The following SLC24A2 variants were observed in gnomAD, a reference collection of about 807,000 sequenced individuals.
The protein encoded by SLC24A2 is sodium/potassium/calcium exchanger 2.
A neutral mutation model predicts 62.0 loss-of-function variants in SLC24A2; 36 were observed. The ratio of observed to expected loss-of-function variants is 0.58; its 90% CI spans 0.44 to 0.77. SLC24A2 has a LOEUF of 0.77. Among genes scored for constraint, SLC24A2 ranks in the 30% least tolerant of loss-of-function variants. The pLI is 0.00. For synonymous variants in SLC24A2, 358 were observed against 294.0 expected (o/e 1.22, Z -2.23); for missense variants, 846 against 817.9 (o/e 1.03, Z -0.42).
At chr9:19,854,871 T>C in the SLC24A2 span, among the ~76,000 whole-genome samples, 1 of 152,204 alleles carries the variant, frequency 6.6e-6, no homozygotes, top group African/African-American at 2.4e-5. Flanking sequence ...TAATGATCTG[T>C]CTAATATTGA....
chr9:19,929,978 C>T, the SLC24A2 span: 1 of 152,004 alleles, frequency 6.6e-6, no homozygotes, highest in East Asian at 1.9e-4. Context: ...TATAGCTATA[C>T]AATATATTTG....
the SLC24A2 span, among the ~76,000 whole-genome samples, chr9:20,259,230 C>G: frequency 2.0e-5 from 3 of 152,112 alleles, no homozygotes; most frequent in African/African-American, 7.2e-5. Context: ...CCCAGTGAGA[C>G]CCATTTTAGA....
intron 8 of SLC24A2, among the ~76,000 whole-genome samples, chr9:19,534,433 G>C (rs1205291489): frequency 6.6e-6 from 1 of 151,982 alleles, no homozygotes; most frequent in African/African-American, 2.4e-5. Flanking sequence ...AGGTATACAT[G>C]TGCCATGGTG....
the SLC24A2 span, among the ~76,000 whole-genome samples, chr9:19,872,763 G>A: frequency 6.6e-6 from 1 of 152,276 alleles, no homozygotes; most frequent in African/African-American, 2.4e-5. Context: ...AAGTGGAAGG[G>A]ATGATTGACA....
At chr9:19,772,670 A>G (rs564965050) in intron 2 of SLC24A2, among the ~76,000 whole-genome samples, 1 of 152,290 alleles carries the variant, frequency 6.6e-6, no homozygotes, top group East Asian at 1.9e-4. Flanking sequence ...TTATAATCAC[A>G]AAGATGGGTA....
At chr9:19,552,546 G>C (rs772071196) in intron 7 of SLC24A2, among the ~76,000 whole-genome samples, 1 of 151,838 alleles carries the variant, frequency 6.6e-6, no homozygotes, top group Non-Finnish European at 1.5e-5. Flanking sequence ...GAGTCAGTCA[G>C]CTTCCCTGAA....
At chr9:20,154,089 A>T in the SLC24A2 span, among the ~76,000 whole-genome samples, 1 of 151,874 alleles carries the variant, frequency 6.6e-6, no homozygotes, top group African/African-American at 2.4e-5. Flanking sequence ...TGGTTACTCT[A>T]TACTGTTACT....
chr9:19,658,808 A>G (rs1357123362), intron 2 of SLC24A2, among the ~76,000 whole-genome samples: 1 of 152,152 alleles, frequency 6.6e-6, no homozygotes, highest in East Asian at 1.9e-4. Context: ...CCTTCTGTCT[A>G]GATGTAAAAG....
At chr9:19,992,533 A>G in the SLC24A2 span, among the ~76,000 whole-genome samples, 2 of 152,202 alleles carry the variant, frequency 1.3e-5, no homozygotes, top group Non-Finnish European at 2.9e-5. Flanking sequence ...GAACCACTGA[A>G]ATAAACTGTT....
intron 2 of SLC24A2, among the ~76,000 whole-genome samples, chr9:19,762,816 C>G (rs1411039656): frequency 2.1e-5 from 2 of 94,642 alleles, no homozygotes; most frequent in African/African-American, 8.3e-5. Context: ...TTTTTTGGTT[C>G]CATATGAAAT....
At chr9:20,171,890 A>G in the SLC24A2 span, among the ~76,000 whole-genome samples, 4 of 152,038 alleles carry the variant, frequency 2.6e-5, no homozygotes, top group Non-Finnish European at 4.4e-5. Context: ...AGAACATTCT[A>G]CCCAACAACC....
At chr9:20,000,462 A>G in the SLC24A2 span, among the ~76,000 whole-genome samples, 1 of 151,672 alleles carries the variant, frequency 6.6e-6, no homozygotes, top group Non-Finnish European at 1.5e-5. Flanking sequence ...CTTGATAAAC[A>G]TTGTATAGGT....
the SLC24A2 span, among the ~76,000 whole-genome samples, chr9:20,194,498 T>G: frequency 2.6e-5 from 4 of 152,298 alleles, no homozygotes; most frequent in African/African-American, 9.6e-5. Flanking sequence ...TTACTTTTCT[T>G]TGATTTTCCT....
intron 2 of SLC24A2, among the ~76,000 whole-genome samples, chr9:19,684,611 G>A (rs1358817440): frequency 6.6e-6 from 1 of 152,054 alleles, no homozygotes; most frequent in Non-Finnish European, 1.5e-5. Flanking sequence ...TCAGGGTAGT[G>A]AGTTTCATCT....
At chr9:20,064,925 G>A in the SLC24A2 span, among the ~76,000 whole-genome samples, 1 of 152,198 alleles carries the variant, frequency 6.6e-6, no homozygotes, top group Admixed American at 6.5e-5. Flanking sequence ...GGGCAGGGAA[G>A]TGATACCAGC....
At position 19,539,194 on chromosome 9, in the gene SLC24A2, C is replaced by T. The variant is rs1212260210; in HGVS notation, c.1479+10943G>A. 1.3e-4 allele frequency among the ~76,000 whole-genome samples: 9 copies of T among 69,430 alleles called. No individual in the cohort carries two copies. The East Asian group carries it at 3.6e-3, about 28-fold the overall frequency. The allele number at this position is 69,430 out of a possible 152,430, so 45.5% of individuals were successfully genotyped here. ...TGATTTTTTGAAGGGTTTTTTGTGT[C>T]TCTATTTCCTTCAGTTCTGCTCTGA... is the stretch of plus-strand genomic sequence containing the variant. On this transcript the variant is annotated intron_variant, in intron 8 of 10. Coordinates refer to ENST00000341998, the MANE Select transcript of SLC24A2 (RefSeq NM_020344.4).
chr9:19,966,127 C>T, the SLC24A2 span, among the ~76,000 whole-genome samples: 6 of 152,130 alleles, frequency 3.9e-5, no homozygotes, highest in Admixed American at 1.3e-4. Flanking sequence ...CCTAGAGCTC[C>T]GCATACAGCA....
chr9:19,905,821 C>A, the SLC24A2 span, among the ~76,000 whole-genome samples: 1 of 152,116 alleles, frequency 6.6e-6, no homozygotes, highest in Non-Finnish European at 1.5e-5. Context: ...GAGGAAAGAA[C>A]ATAATTTGTA....
At chr9:19,746,151 A>C (rs1821827068) in intron 2 of SLC24A2, among the ~76,000 whole-genome samples, 1 of 151,836 alleles carries the variant, frequency 6.6e-6, no homozygotes, top group East Asian at 1.9e-4. Flanking sequence ...TGCAGATGCA[A>C]TCCTCTTTCA....
Sources: allele counts gnomAD v4.1 joint callset (sites outside exome capture counted in the v4.1 genomes callset), GRCh38; gene constraint gnomAD v4.1.1; transcripts MANE v1.5; gene names NCBI Gene and HGNC (gene_info 2026-07-23, HGNC 2026-07-21).